SECISBP2: variants seen among roughly 807,000 people sequenced by gnomAD.
SECISBP2 encodes the protein SECIS binding protein 2, also known as selenocysteine insertion sequence-binding protein 2.
In SECISBP2, 96 loss-of-function variants were observed where a neutral mutation model predicts 98.2. The ratio of observed to expected loss-of-function variants is 0.98; its 90% CI spans 0.83 to 1.16. The LOEUF is 1.16. SECISBP2 is among the 50% of genes most tolerant of loss of function. SECISBP2 has a pLI of 0.00. For synonymous variants in SECISBP2, 407 were observed against 370.2 expected, an observed-to-expected ratio of 1.10 and a Z score of -1.14; for missense variants, 1,046 against 1,022.9, an observed-to-expected ratio of 1.02 and a Z score of -0.31.
intron 10 of SECISBP2, among the ~76,000 whole-genome samples, chr9:89,345,890 C>T (rs934315604): frequency 1.3e-5 from 2 of 152,244 alleles, no homozygotes; most frequent in African/African-American, 4.8e-5. Context: ...ATGGAAGCAG[C>T]TGTGCTCACT....
downstream of SECISBP2, chr9:89,363,459 G>T (rs767796483): frequency 3.1e-6 from 5 of 1,613,728 alleles, no homozygotes; most frequent in Admixed American, 3.3e-5. Context: ...TGCATCATCC[G>T]GTCGTGCTCC....
intron 6 of SECISBP2, chr9:89,334,159 A>G (rs562819594): frequency 1.7e-6 from 2 of 1,173,206 alleles, no homozygotes; most frequent in South Asian, 3.5e-5. Flanking sequence ...CTTCAAGGTT[A>G]GTAGGGCCAA....
chr9:89,330,788 C>T (rs1032472107), intron 5 of SECISBP2, among the ~76,000 whole-genome samples: 6 of 152,226 alleles, frequency 3.9e-5, no homozygotes, highest in South Asian at 4.1e-4. Context: ...GTCTTCATCA[C>T]GTACCGCTCT....
intron 9 of SECISBP2, 148 bp from the exon 10 acceptor site, chr9:89,341,199 A>T (rs1327584094): frequency 1.4e-6 from 1 of 738,572 alleles, no homozygotes; most frequent in African/African-American, 1.8e-5. Context: ...TGTGGGATTG[A>T]TTTTTTTTCC....
intron 16 of SECISBP2, 73 bp from the exon 17 acceptor site, chr9:89,358,648 C>A: frequency 1.0e-6 from 1 of 990,838 alleles, no homozygotes; most frequent in Non-Finnish European, 1.6e-6. Context: ...CTCTCTCATG[C>A]TGCTGGTTTT....
chr9:89,319,127 C>T (rs1587827369), intron 1 of SECISBP2: 1 of 856,822 alleles, frequency 1.2e-6, no homozygotes, highest in Non-Finnish European at 1.4e-6. Flanking sequence ...ATTGAAATTT[C>T]AAAGGCTCGT....
chr9:89,352,384 CTT>C (rs142018368), intron 14 of SECISBP2, among the ~76,000 whole-genome samples: 2,558 of 152,290 alleles, frequency 0.017, 54 homozygotes, highest in African/African-American at 0.059. Flanking sequence ...GGGCTGCACT[CTT>C]GTTTTGTTGG....
chr9:89,364,922 G>C, the SECISBP2 span: 1 of 132,274 alleles, frequency 7.6e-6, no homozygotes, highest in Non-Finnish European at 1.6e-5. Context: ...GGGTGGGGCT[G>C]TGAAAACCAG....
downstream of SECISBP2, chr9:89,363,459 G>A (rs767796483): frequency 2.6e-5 from 42 of 1,613,846 alleles, no homozygotes; most frequent in African/African-American, 1.3e-4. Context: ...TGCATCATCC[G>A]GTCGTGCTCC....
chr9:89,340,638 C>T (rs1174935912), intron 9 of SECISBP2, among the ~76,000 whole-genome samples: 2 of 152,216 alleles, frequency 1.3e-5, no homozygotes, highest in Non-Finnish European at 2.9e-5. Flanking sequence ...CCTTGCCTGT[C>T]CTTTGTTGCA....
downstream of SECISBP2, chr9:89,363,783 C>T: frequency 6.2e-7 from 1 of 1,613,876 alleles, no homozygotes; most frequent in Non-Finnish European, 8.5e-7. Context: ...GTCTTGTTCC[C>T]TGCTGAGGAG....
chr9:89,366,674 A>G, the SECISBP2 span, among the ~76,000 whole-genome samples: 3 of 152,262 alleles, frequency 2.0e-5, no homozygotes, highest in Non-Finnish European at 2.9e-5. Context: ...GTGCCCATCA[A>G]CTGGGGAATA....
chr9:89,363,865 ATCGG>A (rs758644837), downstream of SECISBP2: 1 of 1,614,118 alleles, frequency 6.2e-7, no homozygotes, highest in African/African-American at 1.3e-5. Context: ...GGGCCCTGCC[ATCGG>A]GCAGTGCATG....
intron 1 of SECISBP2, 134 bp downstream of exon 1, chr9:89,318,746 C>T: frequency 8.2e-7 from 1 of 1,226,332 alleles, no homozygotes; most frequent in Non-Finnish European, 1.1e-6. Flanking sequence ...GAGCGCCCTA[C>T]CGGGTGGCCG....
At chr9:89,325,313 C>A in intron 2 of SECISBP2, 114 bp from the exon 3 acceptor site, 1 of 966,222 alleles carries the variant, frequency 1.0e-6, no homozygotes. Flanking sequence ...TATTCCAGTG[C>A]TAGAGTGAAT....
At chr9:89,334,214 C>T in intron 6 of SECISBP2, 1 of 1,206,770 alleles carries the variant, frequency 8.3e-7, no homozygotes, top group Non-Finnish European at 1.0e-6. Flanking sequence ...GCCACGTGGA[C>T]ATTTATTGTG....
At position 89,328,736 on chromosome 9, in the gene SECISBP2, A is replaced by G. The variant is rs770363545; in HGVS notation, c.651A>G (p.Glu217=). 5 of 1,614,120 alleles carry G rather than the reference A, an allele frequency of 3.1e-6. No homozygotes were observed. The highest frequency in any genetic ancestry group is 4.5e-5 in the East Asian group (2 of 44,896). The part of the protein sequence containing the change: ...KNVSTSKPEF[E]FTTLDFPELQ... ...TATCTACCTCCAAACCTGAGTTTGAATTTACCACACTGGACTTTCCTGAAC... is the reference window on the plus strand; with the variant it reads ...TATCTACCTCCAAACCTGAGTTTGAGTTTACCACACTGGACTTTCCTGAAC... Residue 217 remains glutamate, a synonymous_variant, in exon 5 of 17, where the codon GAA becomes GAG. Coordinates refer to ENST00000375807, the MANE Select transcript of SECISBP2 (RefSeq NM_024077.5).
intron 7 of SECISBP2, among the ~76,000 whole-genome samples, chr9:89,337,756 C>G (rs1049846061): frequency 2.0e-5 from 3 of 152,218 alleles, no homozygotes; most frequent in African/African-American, 7.2e-5. Context: ...CTTTTAGAGC[C>G]TCCCCATTCT....
At chr9:89,323,008 C>G (rs1018659522) in intron 2 of SECISBP2, 24 of 151,806 alleles carry the variant, frequency 1.6e-4, no homozygotes, top group African/African-American at 5.8e-4. Context: ...GTTCTAGGCA[C>G]TGGAAATAGT....
Sources: allele counts gnomAD v4.1 joint callset (sites outside exome capture counted in the v4.1 genomes callset), GRCh38; gene constraint gnomAD v4.1.1; transcripts MANE v1.5; gene names NCBI Gene and HGNC (gene_info 2026-07-23, HGNC 2026-07-21).